Variants in PRAMEF20 observed in about 807,000 individuals in gnomAD.
The protein encoded by PRAMEF20 is PRAME family member 20/21.
Under a neutral mutation model 32.4 loss-of-function variants are expected in PRAMEF20, and 27 were observed. The observed-to-expected ratio is 0.83, with a 90% CI of 0.61 to 1.15. The LOEUF (loss-of-function observed/expected upper bound fraction) is 1.15, where lower values mean the gene tolerates loss of function less well. Among genes scored for constraint, PRAMEF20 ranks in the 50% most tolerant of loss-of-function variants. The pLI, the probability that PRAMEF20 is intolerant of heterozygous loss-of-function variation, is 0.00. For missense variants in PRAMEF20, 604 were observed against 584.5 expected, an observed-to-expected ratio of 1.03 and a Z score of -0.34; for synonymous variants, 256 against 235.4, an observed-to-expected ratio of 1.09 and a Z score of -0.80.
At chr1:13,419,203 G>C (rs1641216127) in intron 2 of PRAMEF20, among the ~76,000 whole-genome samples, 1 of 152,100 alleles carries the variant, frequency 6.6e-6, no homozygotes, top group African/African-American at 2.4e-5. Context: ...ACCCAGGCTG[G>C]AGTGCAGTGG....
At chr1:13,412,937 C>T (rs1246442523), upstream of PRAMEF20, among the ~76,000 whole-genome samples, 1 of 151,986 alleles carries the variant, frequency 6.6e-6, no homozygotes, top group Non-Finnish European at 1.5e-5. Context: ...CCCTGCAACA[C>T]CAAAAAAAAT....
exon 3 of PRAMEF20, chr1:13,421,176 G>A: frequency 6.2e-7 from 1 of 1,613,922 alleles, no homozygotes; most frequent in African/African-American, 1.3e-5. Flanking sequence ...GAGCCCGAGA[G>A]GATCTTGTTC....
chr1:13,419,571 GAC>G (rs1641219898), intron 2 of PRAMEF20, among the ~76,000 whole-genome samples: 1 of 151,802 alleles, frequency 6.6e-6, no homozygotes, highest in African/African-American at 2.4e-5. Context: ...ACAGGTGCCC[GAC>G]ACCACGCCCG....
At chr1:13,410,947 T>G in the PRAMEF20 span, among the ~76,000 whole-genome samples, 12,173 of 151,990 alleles carry the variant, frequency 0.08, 676 homozygotes, top group Non-Finnish European at 0.12. Context: ...AACCTCCGCC[T>G]CCCAGGCTCA....
upstream of PRAMEF20, among the ~76,000 whole-genome samples, chr1:13,414,507 G>A (rs970974392): frequency 1.7e-4 from 26 of 152,206 alleles, 1 homozygote; most frequent in Admixed American, 1.0e-3. Flanking sequence ...CGACCAGGCC[G>A]GAGTGCAGTG....
chr1:13,416,498 CTG>C lies in PRAMEF20; in HGVS notation c.147_148del (p.Cys49Ter), dbSNP rs1261348851. 6.2e-7 allele frequency: 1 copy of C among 1,614,170 alleles called. No homozygotes were observed. Among genetic ancestry groups the C allele is most frequent in the Admixed American group, 1.7e-5 (1 of 60,016 alleles). ...TCATGGAGGCCTTCAGCAGGAGACA[CTG>C]TGAGGCCCTGAAGCTGATGGTGCAG... On this transcript the variant is annotated frameshift_variant, in exon 1 of 3. Transcript: ENST00000602960. LOFTEE classifies it high-confidence loss of function.
At chr1:13,415,801 A>AAGGG (rs1265811170), upstream of PRAMEF20, among the ~76,000 whole-genome samples, 23 of 137,690 alleles carry the variant, frequency 1.7e-4, no homozygotes, top group South Asian at 5.4e-4. Context: ...AAAAAGAACA[A>AAGGG]AGGGAGGGAG....
chr1:13,418,214 A>G, exon 2 of PRAMEF20: 1 of 1,613,840 alleles, frequency 6.2e-7, no homozygotes, highest in Non-Finnish European at 8.5e-7. Context: ...TGCTTACCAA[A>G]TGCCATGATG....
In PRAMEF20 at chr1:13,420,548, G is replaced by T. The variant is rs1048467430; in HGVS notation, c.867-149G>T. On this transcript the variant is annotated intron_variant, in intron 2 of 2. Coordinates refer to ENST00000602960, the Ensembl canonical transcript of PRAMEF20. ...CCTCAGTGGCAAAGCTCTTCATCAC[G>T]CAGCATCCTAAGTGTTGACTATCAG... 4.5e-5 allele frequency: 49 copies of T among 1,078,110 alleles called. No individual in the cohort carries two copies. In the African/African-American group the frequency reaches 6.7e-4, roughly 15 times the overall value. The allele number at this position is 1,078,110 out of a possible 1,614,324, so 66.8% of individuals were successfully genotyped here. A position where few individuals can be genotyped will look rare whatever the true frequency, so the allele number is the denominator to read the frequency against.
upstream of PRAMEF20, among the ~76,000 whole-genome samples, chr1:13,412,546 T>TAAGATCCCCC (rs1273220415): frequency 6.6e-6 from 1 of 152,106 alleles, no homozygotes; most frequent in Non-Finnish European, 1.5e-5. Context: ...ACAGATCCCC[T>TAAGATCCCCC]AAGATCCCCC....
Position 13,421,100 on chromosome 1 carries a change from A to G in PRAMEF20, c.1270A>G (p.Ile424Val). Residue 424 changes from isoleucine (I) to valine (V), a missense_variant, in exon 3 of 3, where the codon ATC becomes GTC. Coordinates refer to ENST00000602960, the Ensembl canonical transcript of PRAMEF20. ...GCGGGAGAGTTATGATGTTCGTGGT[A>G]TCGTCTGCCGGAGCAGATTTGCCCA... is the stretch of plus-strand genomic sequence containing the variant. 1.9e-6 allele frequency: 3 copies of G among 1,613,258 alleles called. No homozygotes were observed. In the South Asian group the frequency reaches 3.3e-5, roughly 18 times the overall value.
At chr1:13,421,113 G>A in exon 3 of PRAMEF20, 1 of 1,613,952 alleles carries the variant, frequency 6.2e-7, no homozygotes, top group Non-Finnish European at 8.5e-7. Flanking sequence ...GTCTGCCGGA[G>A]CAGATTTGCC....
At chr1:13,418,476 C>T in exon 2 of PRAMEF20, 4 of 1,613,866 alleles carry the variant, frequency 2.5e-6, no homozygotes, top group Non-Finnish European at 3.4e-6. Context: ...AAGTGAATTG[C>T]AATTGGACAC....
chr1:13,415,972 T>C (rs1641165133), upstream of PRAMEF20, among the ~76,000 whole-genome samples: 1 of 152,236 alleles, frequency 6.6e-6, no homozygotes, highest in Non-Finnish European at 1.5e-5. Context: ...ACTGAGAATG[T>C]AGGCATGTAG....
At chr1:13,411,786 G>A (rs900300090), upstream of PRAMEF20, among the ~76,000 whole-genome samples, 3 of 152,260 alleles carry the variant, frequency 2.0e-5, no homozygotes, top group African/African-American at 7.2e-5. Context: ...CAAGTGTTCC[G>A]TGTACAGAAT....
At chr1:13,420,847 G>A (rs948202258) in exon 3 of PRAMEF20, 42 of 1,608,300 alleles carry the variant, frequency 2.6e-5, no homozygotes, top group African/African-American at 1.6e-4. Flanking sequence ...GCCTTGTGCC[G>A]CTCCAAGTTC....
At position 13,418,812 on chromosome 1, in the gene PRAMEF20, A is replaced by G. The variant is rs1641212518; in HGVS notation, c.866+112A>G. ...GATGTAACAGTAAAGGGGACACTAG[A>G]ATGTCAGTGCATTTTCCTGTTGGAA... On this transcript the variant is annotated intron_variant, in intron 2 of 2. Transcript: ENST00000602960. 4.5e-6 allele frequency: 7 copies of G among 1,563,858 alleles called. No homozygotes were observed. In the Admixed American group the frequency reaches 1.2e-4, roughly 28 times the overall value.
At chr1:13,417,614 A>G (rs1055752246) in intron 1 of PRAMEF20, among the ~76,000 whole-genome samples, 1 of 151,766 alleles carries the variant, frequency 6.6e-6, no homozygotes, top group Non-Finnish European at 1.5e-5. Context: ...AAAAAAAAAA[A>G]GTGGAACTGG....
upstream of PRAMEF20, chr1:13,416,337 C>T (rs901114338): frequency 3.1e-6 from 5 of 1,612,172 alleles, no homozygotes; most frequent in African/African-American, 6.7e-5. Flanking sequence ...TGGAACTTTT[C>T]TTTGCAGATT....
Sources: gnomAD v4.1 joint callset for allele counts (sites outside exome capture counted in the v4.1 genomes callset) on GRCh38, gnomAD v4.1.1 for gene constraint, MANE v1.5 for transcripts, NCBI Gene and HGNC (gene_info 2026-07-23, HGNC 2026-07-21) for gene names.